The following FBXL20 variants were observed in gnomAD, a reference collection of about 807,000 sequenced individuals.
FBXL20 encodes F-box and leucine rich repeat protein 20.
FBXL20 carries 11 observed loss-of-function variants against 64.0 expected under a neutral mutation model. That is an observed-to-expected ratio of 0.17 (90% CI 0.11 to 0.28). FBXL20 has a LOEUF of 0.28. FBXL20 is among the 10% of genes least tolerant of loss of function. The pLI is 1.00. For missense variants in FBXL20, 303 were observed against 526.2 expected (o/e 0.58, Z 4.15); for synonymous variants, 184 against 189.0 (o/e 0.97, Z 0.22).
intron 1 of FBXL20, among the ~76,000 whole-genome samples, chr17:39,365,900 C>A (rs1047257460): frequency 4.6e-5 from 7 of 152,204 alleles, no homozygotes; most frequent in African/African-American, 1.7e-4. Context: ...GTCCACCTCT[C>A]CTCCTCCTTC....
intron 2 of FBXL20, among the ~76,000 whole-genome samples, chr17:39,336,108 C>T (rs529584414): frequency 9.9e-5 from 15 of 150,830 alleles, no homozygotes; most frequent in Non-Finnish European, 1.6e-4. Context: ...GAGTGAGAGC[C>T]TGTCAGAGGG....
At chr17:39,294,833 G>T (rs1437558584) in intron 6 of FBXL20, among the ~76,000 whole-genome samples, 1 of 152,086 alleles carries the variant, frequency 6.6e-6, no homozygotes, top group Non-Finnish European at 1.5e-5. Flanking sequence ...CCAACATGGT[G>T]AAACCCTGTC....
At chr17:39,339,472 G>T (rs1415792713) in intron 2 of FBXL20, among the ~76,000 whole-genome samples, 1 of 152,094 alleles carries the variant, frequency 6.6e-6, no homozygotes, top group East Asian at 1.9e-4. Context: ...TCTGTATTCA[G>T]CAGGAAATCC....
intron 14 of FBXL20, 81 bp downstream of exon 14, chr17:39,264,094 C>A: frequency 2.1e-6 from 3 of 1,447,802 alleles, no homozygotes; most frequent in Non-Finnish European, 2.9e-6. Flanking sequence ...TCATAGGAAC[C>A]TAAATTTGAA....
At chr17:39,366,111 G>T (rs2047857583) in intron 1 of FBXL20, among the ~76,000 whole-genome samples, 1 of 152,062 alleles carries the variant, frequency 6.6e-6, no homozygotes, top group South Asian at 2.1e-4. Flanking sequence ...TAAGGTAGCT[G>T]AAATTACAGT....
chr17:39,402,290 GCCGCCGCCTCCCCCGCCTCCC>G, upstream of FBXL20: 1 of 1,098,242 alleles, frequency 9.1e-7, no homozygotes, highest in Non-Finnish European at 1.2e-6. Flanking sequence ...GGTTGCCGCC[GCCGCCGCCTCCCCCGCCTCCC>G]CCGCCCCAGT....
At chr17:39,314,349 T>C (rs762829309) in intron 2 of FBXL20, among the ~76,000 whole-genome samples, 2 of 152,186 alleles carry the variant, frequency 1.3e-5, no homozygotes, top group Non-Finnish European at 1.5e-5. Flanking sequence ...TTGGCTATTA[T>C]GCTTTTTGTT....
intron 6 of FBXL20, among the ~76,000 whole-genome samples, chr17:39,295,616 G>C (rs72825105): frequency 0.053 from 8,033 of 151,908 alleles, 239 homozygotes; most frequent in Non-Finnish European, 0.078. Context: ...ATTTTTGTTT[G>C]AATTATGTAA....
intron 2 of FBXL20, among the ~76,000 whole-genome samples, chr17:39,304,188 A>G (rs16968748): frequency 0.046 from 6,954 of 152,228 alleles, 321 homozygotes; most frequent in African/African-American, 0.12. Context: ...TACCTACACC[A>G]AAGGATAATA....
At chr17:39,384,632 A>T (rs2048059743) in intron 1 of FBXL20, among the ~76,000 whole-genome samples, 1 of 152,152 alleles carries the variant, frequency 6.6e-6, no homozygotes, top group Admixed American at 6.5e-5. Flanking sequence ...TGTCCAGTAT[A>T]ATCTTGTTTG....
chr17:39,376,274 C>T (rs2047966480), intron 1 of FBXL20, among the ~76,000 whole-genome samples: 1 of 152,098 alleles, frequency 6.6e-6, no homozygotes. Flanking sequence ...TATATTGTCT[C>T]AGAACTGGCC....
chr17:39,324,780 GT>G (rs1479289176), intron 2 of FBXL20, among the ~76,000 whole-genome samples: 11 of 152,130 alleles, frequency 7.2e-5, no homozygotes, highest in African/African-American at 2.7e-4. Flanking sequence ...TTGCAGCAAG[GT>G]TTGATCATTA....
intron 1 of FBXL20, among the ~76,000 whole-genome samples, chr17:39,399,775 TATAAG>T (rs992849044): frequency 1.1e-4 from 16 of 152,312 alleles, no homozygotes; most frequent in African/African-American, 3.1e-4. Context: ...TAAATTAAAG[TATAAG>T]ATAATTATAA....
In FBXL20 at chr17:39,293,311, T is replaced by A. The variant is rs1429044956; in HGVS notation, c.398+3816A>T. On this transcript the variant is annotated intron_variant, in intron 6 of 14. Coordinates refer to ENST00000264658, the MANE Select transcript of FBXL20 (RefSeq NM_032875.3). ...ATCTCGGCTCACTGCAACCTCCGCA[T>A]CCTGGGTTTGAGCAATTCTTCTGCC... Among the ~76,000 whole-genome samples, 4 of 152,060 alleles carry A rather than the reference T, an allele frequency of 2.6e-5. No individual in the cohort carries two copies. The East Asian group carries it at 5.8e-4, about 22-fold the overall frequency.
At chr17:39,298,896 AACTT>A in intron 5 of FBXL20, 90 bp downstream of exon 5, 1 of 930,362 alleles carries the variant, frequency 1.1e-6, no homozygotes, top group Non-Finnish European at 1.7e-6. Context: ...CATTTTTAAT[AACTT>A]AGGAATTTTA....
At chr17:39,319,246 T>TCAAA (rs1336058686) in intron 2 of FBXL20, among the ~76,000 whole-genome samples, 1 of 150,166 alleles carries the variant, frequency 6.7e-6, no homozygotes, top group Non-Finnish European at 1.5e-5. Flanking sequence ...AGACTCCATC[T>TCAAA]CAAAAAAAAA....
In FBXL20 at chr17:39,259,291, C is replaced by T. The variant is rs11078896; in HGVS notation, c.*2169G>A. On this transcript the variant is annotated 3_prime_UTR_variant, in exon 15 of 15. Transcript: ENST00000264658. Reference sequence around the variant, plus strand: ...CCAGGCTGGGCAAGATAGCGAGACCCCATCTCTAAAAAAATAAAATAAAAT... The same window carrying T: ...CCAGGCTGGGCAAGATAGCGAGACCTCATCTCTAAAAAAATAAAATAAAAT... The T allele has an allele frequency of 0.61, 91,801 of 151,520 alleles. 31,433 individuals are homozygous for T. Among genetic ancestry groups the T allele is most frequent in the South Asian group, 0.88 (4,248 of 4,812 alleles). The allele number at this position is 151,520 out of a possible 1,614,324, so 9.4% of individuals were successfully genotyped here.
chr17:39,345,041 ACAAT>A (rs1260778056), intron 1 of FBXL20, among the ~76,000 whole-genome samples: 2 of 152,206 alleles, frequency 1.3e-5, no homozygotes, highest in African/African-American at 4.8e-5. Flanking sequence ...AATACCATAC[ACAAT>A]CAAAAGCCCA....
At chr17:39,264,622 G>T (rs1324373453) in intron 13 of FBXL20, among the ~76,000 whole-genome samples, 1 of 152,168 alleles carries the variant, frequency 6.6e-6, no homozygotes, top group Non-Finnish European at 1.5e-5. Flanking sequence ...TTCATGTAAT[G>T]ACTATGAAGT....
Sources: allele counts gnomAD v4.1 joint callset (sites outside exome capture counted in the v4.1 genomes callset), GRCh38; gene constraint gnomAD v4.1.1; transcripts MANE v1.5; gene names NCBI Gene and HGNC (gene_info 2026-07-23, HGNC 2026-07-21).